Variants in SH3KBP1 observed in about 807,000 individuals in gnomAD.
SH3KBP1 encodes SH3 domain containing kinase binding protein 1, also known as SH3 domain-containing kinase-binding protein 1.
A neutral mutation model predicts 50.1 loss-of-function variants in SH3KBP1; 8 were observed. That is an observed-to-expected ratio of 0.16 (90% CI 0.09 to 0.29). The LOEUF is 0.29. Ranked by LOEUF, SH3KBP1 falls within the 10% of genes least tolerant of loss-of-function variation. SH3KBP1 has a pLI of 1.00. For missense variants in SH3KBP1, 377 were observed against 535.2 expected (o/e 0.70, Z 2.92); for synonymous variants, 227 against 218.6 (o/e 1.04, Z -0.34).
intron 13 of SH3KBP1, among the ~76,000 whole-genome samples, chrX:19,560,445 G>A (rs944133997): frequency 9.9e-5 from 11 of 111,500 alleles, no homozygotes; most frequent in Admixed American, 1.9e-4. Flanking sequence ...GTGACACTGC[G>A]CTGGGTCCTT....
chrX:19,814,188 C>T (rs779423305), intron 2 of SH3KBP1, among the ~76,000 whole-genome samples: 56 of 110,966 alleles, frequency 5.0e-4, no homozygotes, highest in African/African-American at 1.8e-3. Flanking sequence ...CAGCAAATCC[C>T]GTTGGCTGTA....
intron 9 of SH3KBP1, among the ~76,000 whole-genome samples, chrX:19,606,781 G>A (rs955556311): frequency 1.8e-5 from 2 of 111,886 alleles, no homozygotes; most frequent in Non-Finnish European, 3.8e-5. Flanking sequence ...GCTATTGCCG[G>A]TCCATGGATC....
chrX:19,565,147 C>T (rs896258565), intron 13 of SH3KBP1, among the ~76,000 whole-genome samples: 12 of 103,220 alleles, frequency 1.2e-4, no homozygotes, highest in South Asian at 4.5e-4. Context: ...CTGCAACCTC[C>T]GCCTCCCGGG....
intron 2 of SH3KBP1, among the ~76,000 whole-genome samples, chrX:19,831,986 T>A (rs1243966482): frequency 9.0e-6 from 1 of 111,652 alleles, no homozygotes; most frequent in Non-Finnish European, 1.9e-5. Flanking sequence ...TTAACTCCAC[T>A]GCAACCACCT....
chrX:19,643,331 T>A (rs762710225), intron 7 of SH3KBP1, among the ~76,000 whole-genome samples: 11 of 94,854 alleles, frequency 1.2e-4, no homozygotes, highest in South Asian at 5.1e-4. Context: ...TATTTTTTTT[T>A]TTTTTTGAGA....
chrX:19,548,637 A>G (rs2065151163), intron 14 of SH3KBP1, among the ~76,000 whole-genome samples: 1 of 111,954 alleles, frequency 8.9e-6, no homozygotes, highest in African/African-American at 3.2e-5. Flanking sequence ...TCTAGATATG[A>G]GAGAAGAGGT....
chrX:19,761,792 G>C (rs1339980978), intron 2 of SH3KBP1, among the ~76,000 whole-genome samples: 2 of 112,566 alleles, frequency 1.8e-5, no homozygotes, highest in African/African-American at 6.5e-5. Context: ...CTGTGTGTGG[G>C]TAACCACTCA....
At chrX:19,553,941 TAATA>T (rs1180444802) in intron 13 of SH3KBP1, among the ~76,000 whole-genome samples, 1 of 68,926 alleles carries the variant, frequency 1.5e-5, no homozygotes, top group African/African-American at 7.0e-5. Context: ...ATATAATATA[TAATA>T]TATATTAAAA....
intron 1 of SH3KBP1, among the ~76,000 whole-genome samples, chrX:19,856,949 G>GTTTTTT (rs1275149618): frequency 7.9e-5 from 3 of 37,964 alleles, no homozygotes; most frequent in Non-Finnish European, 1.4e-4. Flanking sequence ...GCTAATACTA[G>GTTTTTT]TCTTTTTTTT....
Position 19,546,119 on chromosome X carries a change from A to G in SH3KBP1, c.1495-69T>C. 2.7e-6 allele frequency: 3 copies of G among 1,102,900 alleles called. No homozygotes were observed. In the South Asian group the frequency reaches 5.8e-5, roughly 21 times the overall value. 90.9% of individuals were successfully genotyped at this position (1,102,900 alleles called of 1,213,427 possible). A position where few individuals can be genotyped will look rare whatever the true frequency, so the allele number is the denominator to read the frequency against. ...AGCTGACACCACTTTCGTTAATATA[A>G]TGCTGTATGCTTTAAAAGCACTCGA... On this transcript the variant is annotated intron_variant, in intron 14 of 17. Coordinates refer to ENST00000397821, the MANE Select transcript of SH3KBP1 (RefSeq NM_031892.3).
chrX:19,540,635 G>C (rs1031212294), intron 16 of SH3KBP1, among the ~76,000 whole-genome samples: 2 of 111,396 alleles, frequency 1.8e-5, no homozygotes, highest in African/African-American at 6.5e-5. Flanking sequence ...GGGCTTCATC[G>C]CTGTAAGTCT....
chrX:19,554,234 T>TATAATATAATATATCATATTAAAATATA (rs1330596276), intron 13 of SH3KBP1, among the ~76,000 whole-genome samples: 1 of 66,163 alleles, frequency 1.5e-5, no homozygotes, highest in African/African-American at 6.9e-5. Context: ...CATATTAAAA[T>TATAATATAATATATCATATTAAAATATA]ATATTATATA....
chrX:19,872,637 A>C (rs2069084891), intron 1 of SH3KBP1, among the ~76,000 whole-genome samples: 1 of 109,551 alleles, frequency 9.1e-6, no homozygotes, highest in African/African-American at 3.3e-5. Context: ...TTAGCTGGAC[A>C]TGGTGGCGGG....
intron 13 of SH3KBP1, among the ~76,000 whole-genome samples, chrX:19,566,018 G>A (rs1379985567): frequency 7.5e-5 from 8 of 106,717 alleles, no homozygotes; most frequent in Non-Finnish European, 1.2e-4. Context: ...TTTGTCTCCC[G>A]GGTTCAAGCG....
intron 3 of SH3KBP1, among the ~76,000 whole-genome samples, chrX:19,708,150 C>T (rs893644722): frequency 1.8e-5 from 2 of 112,830 alleles, no homozygotes; most frequent in African/African-American, 6.4e-5. Flanking sequence ...GGCCCCAATG[C>T]AGGATGACAT....
intron 15 of SH3KBP1, among the ~76,000 whole-genome samples, chrX:19,542,556 GCAGA>G (rs758147179): frequency 9.9e-5 from 11 of 111,482 alleles, no homozygotes; most frequent in African/African-American, 1.3e-4. Flanking sequence ...CCAGTGGGGC[GCAGA>G]CAGACAGACA....
In SH3KBP1 at chrX:19,683,881, G is replaced by A; in HGVS notation, c.668C>T (p.Pro223Leu). ...VGFGDIFKDK[P>L]IKLRPRSIEV... The stretch of plus-strand genomic sequence containing the variant: ...AATTGACCTTGGTCTTAGTTTGATT[G>A]GCTTGTCTTTGAAAATGTCTCCAAA... The change falls in exon 6 of 18, where the codon CCA (proline) becomes CTA (leucine). Residue 223 changes from proline (P) to leucine (L), a missense_variant. Transcript: ENST00000397821. 1.7e-6 allele frequency: 2 copies of A among 1,211,496 alleles called. No homozygotes were observed. The highest frequency in any genetic ancestry group is 2.2e-6 in the Non-Finnish European group (2 of 895,154).
At chrX:19,689,285 A>C (rs912711200) in intron 5 of SH3KBP1, among the ~76,000 whole-genome samples, 1 of 112,154 alleles carries the variant, frequency 8.9e-6, no homozygotes, top group African/African-American at 3.2e-5. Flanking sequence ...GCTTAACTTC[A>C]GTCATTAAGT....
intron 6 of SH3KBP1, among the ~76,000 whole-genome samples, chrX:19,650,309 C>T (rs2062091584): frequency 8.9e-6 from 1 of 112,470 alleles, no homozygotes. Flanking sequence ...GTTTAATTGA[C>T]TCACAGTTCA....
Sources: gnomAD v4.1 joint callset for allele counts (sites outside exome capture counted in the v4.1 genomes callset) on GRCh38, gnomAD v4.1.1 for gene constraint, MANE v1.5 for transcripts, NCBI Gene and HGNC (gene_info 2026-07-23, HGNC 2026-07-21) for gene names.